Variants in GRIN1 observed in about 807,000 individuals in gnomAD.
GRIN1 encodes glutamate ionotropic receptor NMDA type subunit 1.
A neutral mutation model predicts 103.0 loss-of-function variants in GRIN1; 38 were observed. That is an observed-to-expected ratio of 0.37 (90% CI 0.28 to 0.48). GRIN1 has a LOEUF of 0.48. GRIN1 is among the 20% of genes least tolerant of loss of function. The pLI, the probability that GRIN1 is intolerant of heterozygous loss-of-function variation, is 0.98. For synonymous variants in GRIN1, 544 were observed against 532.7 expected (o/e 1.02, Z -0.29); for missense variants, 577 against 1,288.9 (o/e 0.45, Z 8.46).
At chr9:137,147,399 C>T (rs568047222) in intron 3 of GRIN1, among the ~76,000 whole-genome samples, 36 of 152,320 alleles carry the variant, frequency 2.4e-4, no homozygotes, top group African/African-American at 8.4e-4. Flanking sequence ...CCAGCACAGA[C>T]ACACATGCAC....
intron 1 of GRIN1, among the ~76,000 whole-genome samples, chr9:137,140,224 G>C (rs559262803): frequency 1.3e-5 from 2 of 152,172 alleles, no homozygotes; most frequent in Admixed American, 6.5e-5. Context: ...CAGGTGCCAC[G>C]GCAGGACGCT....
chr9:137,164,557 C>CCGACAGTG (rs1238771286), intron 18 of GRIN1: 2 of 175,828 alleles, frequency 1.1e-5, no homozygotes, highest in African/African-American at 2.4e-5. Flanking sequence ...TGAGATGAAG[C>CCGACAGTG]CGACAGTGCG....
chr9:137,156,586 T>C, intron 4 of GRIN1, 83 bp from the exon 5 acceptor site: 1 of 1,540,784 alleles, frequency 6.5e-7, no homozygotes, highest in Non-Finnish European at 8.8e-7. Flanking sequence ...AGGTCCCTGC[T>C]CCAGAGGAGG....
At chr9:137,156,116 C>T (rs185832637) in intron 4 of GRIN1, among the ~76,000 whole-genome samples, 8 of 152,330 alleles carry the variant, frequency 5.3e-5, no homozygotes, top group East Asian at 1.9e-4. Context: ...CATGTGCCTC[C>T]GCTTCCCCTC....
At chr9:137,153,825 T>G (rs1013801809) in intron 4 of GRIN1, among the ~76,000 whole-genome samples, 1 of 152,216 alleles carries the variant, frequency 6.6e-6, no homozygotes, top group East Asian at 1.9e-4. Flanking sequence ...TTCTCTTTTT[T>G]GGGGAGATAG....
chr9:137,147,599 G>A (rs1009196382), intron 3 of GRIN1, among the ~76,000 whole-genome samples: 2 of 152,164 alleles, frequency 1.3e-5, no homozygotes, highest in Admixed American at 1.3e-4. Context: ...ACCCACAGGC[G>A]CATGCCACCC....
intron 2 of GRIN1, among the ~76,000 whole-genome samples, chr9:137,144,747 A>T (rs1199110342): frequency 1.2e-5 from 1 of 85,820 alleles, no homozygotes; most frequent in Non-Finnish European, 2.2e-5. Flanking sequence ...GACAGGAGTG[A>T]GAGGAAGGGG....
intron 3 of GRIN1, among the ~76,000 whole-genome samples, chr9:137,147,477 C>A (rs1281518728): frequency 6.6e-6 from 1 of 152,076 alleles, no homozygotes; most frequent in Non-Finnish European, 1.5e-5. Context: ...CACACGCACA[C>A]ACAAGCACGC....
intron 6 of GRIN1, 135 bp downstream of exon 6, chr9:137,157,172 AC>A: frequency 1.3e-6 from 1 of 795,060 alleles, no homozygotes; most frequent in Non-Finnish European, 1.8e-6. Context: ...AGCTCTCAGG[AC>A]TAGGCGGGGC....
At position 137,158,412 on chromosome 9, in the gene GRIN1, G is replaced by T; in HGVS notation, c.1002G>T (p.Val334=). 6.2e-7 allele frequency: 1 copy of T among 1,613,594 alleles called. No individual in the cohort carries two copies. The highest frequency in any genetic ancestry group is 8.5e-7 in the Non-Finnish European group (1 of 1,180,000). The change falls in exon 7 of 20, where the codon GTG becomes GTT. Residue 334 remains valine, a synonymous_variant. Coordinates refer to ENST00000371561, the MANE Select transcript of GRIN1 (RefSeq NM_007327.4). The part of the protein sequence containing the change: ...VLMSSKYADG[V]TGRVEFNEDG... ...TGTCTTCCAAGTATGCGGATGGGGTGACTGGTCGCGTGGAGTTCAATGAGG... is the reference window on the plus strand; with the variant it reads ...TGTCTTCCAAGTATGCGGATGGGGTTACTGGTCGCGTGGAGTTCAATGAGG...
In GRIN1 at chr9:137,149,016, AG is replaced by A; in HGVS notation, c.580del (p.Val194CysfsTer11). ...LLEERESKAE[K>X]VLQFDPGTKN... ...CTCTTGCTCACACCGCAGGCAGAGA[AG>A]GTGCTGCAGTTTGACCCAGGGACCA... On this transcript the variant is annotated frameshift_variant, in exon 4 of 20. Coordinates refer to ENST00000371561, the MANE Select transcript of GRIN1 (RefSeq NM_007327.4). LOFTEE classifies it high-confidence loss of function. The A allele has an allele frequency of 3.1e-6, 5 of 1,611,142 alleles. No homozygotes were observed. Among genetic ancestry groups the A allele is most frequent in the Non-Finnish European group, 4.2e-6 (5 of 1,177,750 alleles).
At chr9:137,145,995 T>G in intron 3 of GRIN1, 93 bp downstream of exon 3, 1 of 930,672 alleles carries the variant, frequency 1.1e-6, no homozygotes. Context: ...CACCCTCTTC[T>G]TTCCATCGTG....
intron 4 of GRIN1, among the ~76,000 whole-genome samples, chr9:137,150,398 A>C (rs909624165): frequency 2.0e-5 from 3 of 150,138 alleles, no homozygotes; most frequent in South Asian, 2.1e-4. Flanking sequence ...GCCCAGAAAA[A>C]AGGTCCTCCC....
At chr9:137,166,949 C>A (rs947458185) in intron 19 of GRIN1, among the ~76,000 whole-genome samples, 1 of 152,196 alleles carries the variant, frequency 6.6e-6, no homozygotes, top group Non-Finnish European at 1.5e-5. Context: ...AGGTGATGGG[C>A]CACTTTCAGA....
rs558390892 is a variant in GRIN1, at chr9:137,155,473, C to A, written c.672-1196C>A. ...CTGCATTTCTTTGTGGGCTTATTCT[C>A]GAGAAAACTGGGGGCAGATCCCTCC... On this transcript the variant is annotated intron_variant, in intron 4 of 19. Coordinates refer to ENST00000371561, the MANE Select transcript of GRIN1 (RefSeq NM_007327.4). Among the ~76,000 whole-genome samples the A allele has an allele frequency of 1.1e-4, 17 of 152,342 alleles. No homozygotes were observed. The East Asian group carries it at 3.3e-3, about 29-fold the overall frequency.
At position 137,145,704 on chromosome 9, in the gene GRIN1, G is replaced by A. The variant is rs10870196; in HGVS notation, c.394-22G>A. The A allele has an allele frequency of 0.94, 1,509,947 of 1,606,662 alleles. 709,904 individuals are homozygous for A. Among genetic ancestry groups the A allele is most frequent in the African/African-American group, 0.98 (72,532 of 74,210 alleles). On this transcript the variant is annotated intron_variant, in intron 2 of 19. Transcript: ENST00000371561. ...GGTCCCCGCGGGTCCACCTCAGCCCGCCGTGCCCCCGCCTCCCGCAGAGCA... is the reference window on the plus strand; with the variant it reads ...GGTCCCCGCGGGTCCACCTCAGCCCACCGTGCCCCCGCCTCCCGCAGAGCA...
At chr9:137,166,841 G>A (rs545066339) in intron 19 of GRIN1, among the ~76,000 whole-genome samples, 1 of 152,384 alleles carries the variant, frequency 6.6e-6, no homozygotes, top group South Asian at 2.1e-4. Context: ...CGCAGGGATC[G>A]TGGGCTGGGC....
intron 19 of GRIN1, among the ~76,000 whole-genome samples, chr9:137,166,751 C>T (rs934501823): frequency 5.3e-5 from 8 of 152,262 alleles, no homozygotes; most frequent in African/African-American, 1.9e-4. Flanking sequence ...CCTGGAGCCA[C>T]CTCTGCTGCG....
At chr9:137,156,570 C>A in intron 4 of GRIN1, 99 bp from the exon 5 acceptor site, 3 of 1,503,474 alleles carry the variant, frequency 2.0e-6, no homozygotes, top group East Asian at 4.9e-5. Context: ...GGGATGGGGG[C>A]TGGGCAGGTC....
Sources: gnomAD v4.1 joint callset for allele counts (sites outside exome capture counted in the v4.1 genomes callset) on GRCh38, gnomAD v4.1.1 for gene constraint, MANE v1.5 for transcripts, NCBI Gene and HGNC (gene_info 2026-07-23, HGNC 2026-07-21) for gene names.